VOPP1: variants seen among roughly 807,000 people sequenced by gnomAD.
The protein encoded by VOPP1 is VOPP1 WW domain binding protein, also known as WW domain binding protein VOPP1.
In VOPP1, 8 loss-of-function variants were observed where a neutral mutation model predicts 23.5. The observed-to-expected ratio is 0.34, with a 90% CI of 0.20 to 0.61. VOPP1 has a LOEUF of 0.61. Among genes scored for constraint, VOPP1 ranks in the 20% least tolerant of loss-of-function variants. VOPP1 has a pLI of 0.78. For missense variants in VOPP1, 174 were observed against 238.1 expected (o/e 0.73, Z 1.77); for synonymous variants, 83 against 97.3 (o/e 0.85, Z 0.86).
chr7:55,469,947 A>T (rs1791732932), downstream of VOPP1, among the ~76,000 whole-genome samples: 1 of 152,156 alleles, frequency 6.6e-6, no homozygotes, highest in Non-Finnish European at 1.5e-5. Flanking sequence ...CGGCTTTGGG[A>T]AGTGGGAGGA....
At chr7:55,441,032 A>G (rs1461326531) in intron 4 of VOPP1, among the ~76,000 whole-genome samples, 1 of 152,194 alleles carries the variant, frequency 6.6e-6, no homozygotes, top group Non-Finnish European at 1.5e-5. Flanking sequence ...TCATTTTGTG[A>G]TTCTATCCTA....
At chr7:55,556,484 A>G (rs144776503) in intron 1 of VOPP1, among the ~76,000 whole-genome samples, 130 of 152,324 alleles carry the variant, frequency 8.5e-4, no homozygotes, top group South Asian at 7.2e-3. Context: ...ACCAAAATGC[A>G]TAACGTGAAC....
intron 1 of VOPP1, among the ~76,000 whole-genome samples, chr7:55,567,903 G>T (rs1158083169): frequency 6.6e-6 from 1 of 152,090 alleles, no homozygotes. Context: ...GAATTCCAGG[G>T]CACAAAAGAC....
downstream of VOPP1, among the ~76,000 whole-genome samples, chr7:55,435,674 G>A (rs1465950827): frequency 1.3e-5 from 2 of 152,202 alleles, no homozygotes; most frequent in Non-Finnish European, 2.9e-5. Flanking sequence ...TTTTACCCAG[G>A]CTGCAGCTCC....
At chr7:55,462,237 G>C (rs1227275775) in intron 4 of VOPP1, among the ~76,000 whole-genome samples, 1 of 152,118 alleles carries the variant, frequency 6.6e-6, no homozygotes, top group Non-Finnish European at 1.5e-5. Context: ...TATGTGATTT[G>C]ACACTTTTCT....
chr7:55,514,719 T>A (rs1795292635), intron 2 of VOPP1, among the ~76,000 whole-genome samples: 1 of 152,128 alleles, frequency 6.6e-6, no homozygotes, highest in African/African-American at 2.4e-5. Context: ...GGGACACTCA[T>A]CCCCAGCTCT....
intron 2 of VOPP1, among the ~76,000 whole-genome samples, chr7:55,509,026 G>C (rs1214254537): frequency 6.6e-6 from 1 of 152,180 alleles, no homozygotes. Flanking sequence ...CTAGGTGACA[G>C]AGCAAGACCC....
chr7:55,502,456 A>G (rs1794433687), intron 2 of VOPP1, among the ~76,000 whole-genome samples: 2 of 152,320 alleles, frequency 1.3e-5, no homozygotes, highest in African/African-American at 4.8e-5. Context: ...CACTCTCCGC[A>G]TTCTTGCGGC....
chr7:55,568,896 G>A lies in VOPP1; in HGVS notation c.54+3375C>T, dbSNP rs75125457. ...CTTAGTACTTTCACTCTTCCTGTAA[G>A]GATTGTTTGCAGGACCTCACTTCAG... On this transcript the variant is annotated intron_variant, in intron 1 of 4. Transcript: ENST00000285279. 1.2e-3 allele frequency among the ~76,000 whole-genome samples: 181 copies of A among 152,294 alleles called. 3 individuals are homozygous for A. The East Asian group carries it at 0.03, about 26-fold the overall frequency.
chr7:55,483,811 GGCAACAGTGCGATCAGATCATT>G (rs1169100799), intron 4 of VOPP1, among the ~76,000 whole-genome samples: 2 of 152,048 alleles, frequency 1.3e-5, no homozygotes, highest in Admixed American at 6.5e-5. Flanking sequence ...TGCCTTGGAG[GGCAACAGTGCGATCAGATCATT>G]GCAACCTCCG....
At chr7:55,559,788 G>A (rs549336046) in intron 1 of VOPP1, among the ~76,000 whole-genome samples, 2 of 152,172 alleles carry the variant, frequency 1.3e-5, no homozygotes, top group African/African-American at 2.4e-5. Context: ...CAGTGGAACC[G>A]GCAAGTTCTC....
chr7:55,496,196 A>T (rs1364354713), intron 3 of VOPP1, among the ~76,000 whole-genome samples: 1 of 152,190 alleles, frequency 6.6e-6, no homozygotes, highest in Non-Finnish European at 1.5e-5. Context: ...CCTCATCATC[A>T]TTCATCTAGT....
At chr7:55,446,170 T>C (rs1339430723) in intron 4 of VOPP1, among the ~76,000 whole-genome samples, 1 of 152,132 alleles carries the variant, frequency 6.6e-6, no homozygotes, top group African/African-American at 2.4e-5. Flanking sequence ...TTTTTTTGTA[T>C]TTTTAGTAGA....
intron 4 of VOPP1, among the ~76,000 whole-genome samples, chr7:55,475,503 G>A (rs1460321555): frequency 1.3e-5 from 2 of 152,194 alleles, no homozygotes; most frequent in African/African-American, 2.4e-5. Flanking sequence ...GAAGGGAGCA[G>A]TGCGTTACAG....
intron 1 of VOPP1, among the ~76,000 whole-genome samples, chr7:55,523,414 C>T (rs192333089): frequency 3.4e-4 from 52 of 151,948 alleles, no homozygotes; most frequent in Admixed American, 7.2e-4. Context: ...ACAGGAAGGA[C>T]AGAGTATGTG....
At chr7:55,572,205 G>C in intron 1 of VOPP1, 66 bp downstream of exon 1, 1 of 1,399,784 alleles carries the variant, frequency 7.1e-7, no homozygotes, top group South Asian at 1.3e-5. Context: ...CCTCGGAACT[G>C]CGCGCCCCCA....
intron 2 of VOPP1, among the ~76,000 whole-genome samples, chr7:55,504,040 G>C (rs1307509146): frequency 6.6e-6 from 1 of 152,118 alleles, no homozygotes; most frequent in East Asian, 1.9e-4. Context: ...GAGTTGGTGG[G>C]GACTGTAACT....
intron 1 of VOPP1, among the ~76,000 whole-genome samples, chr7:55,524,452 C>T (rs949160237): frequency 2.0e-5 from 3 of 152,178 alleles, no homozygotes; most frequent in Non-Finnish European, 4.4e-5. Flanking sequence ...AACTGCTTCA[C>T]TGTTTTTGGT....
At chr7:55,476,802 T>C (rs1326046343) in intron 4 of VOPP1, among the ~76,000 whole-genome samples, 1 of 152,162 alleles carries the variant, frequency 6.6e-6, no homozygotes, top group African/African-American at 2.4e-5. Flanking sequence ...ACCCAAGCTG[T>C]GGCAGGCTTG....
Sources: gnomAD v4.1 joint callset for allele counts (sites outside exome capture counted in the v4.1 genomes callset) on GRCh38, gnomAD v4.1.1 for gene constraint, MANE v1.5 for transcripts, NCBI Gene and HGNC (gene_info 2026-07-23, HGNC 2026-07-21) for gene names.